The following DMD variants were observed in gnomAD, a reference collection of about 807,000 sequenced individuals.
DMD encodes the protein dystrophin, also known as mutant dystrophin.
A neutral mutation model predicts 330.1 loss-of-function variants in DMD; 63 were observed. The observed-to-expected ratio is 0.19, with a 90% confidence interval of 0.16 to 0.24. The LOEUF (loss-of-function observed/expected upper bound fraction) is 0.24, where lower values mean the gene tolerates loss of function less well. Among genes scored for constraint, DMD ranks in the 10% least tolerant of loss-of-function variants. The pLI is 1.00. For synonymous variants in DMD, 1,223 were observed against 959.8 expected (o/e 1.27, Z -5.07); for missense variants, 3,344 against 2,684.1 (o/e 1.25, Z -5.43).
In DMD at chrX:32,342,233, C is replaced by G. The variant is rs759051688; in HGVS notation, c.5789G>C (p.Arg1930Pro). ...QKKKEELNAV[R>P]RQAEGLSEDG... is the part of the protein sequence containing the mutation. ...CTCAGACAAGCCCTCAGCTTGCCTA[C>G]GCACTGCATTCAGCTCCTCTTTCTT... is the stretch of plus-strand genomic sequence containing the variant. Residue 1930 changes from arginine to proline, a missense_variant, in exon 41 of 79, where the codon CGT becomes CCT. By Grantham distance (103) the Arg-to-Pro change is moderately radical. Coordinates refer to ENST00000357033, the MANE Select transcript of DMD (RefSeq NM_004006.3). 1 of 1,209,680 alleles carries G rather than the reference C, an allele frequency of 8.3e-7. No homozygotes were observed. The highest frequency in any genetic ancestry group is 2.2e-5 in the Admixed American group (1 of 45,619).
intron 1 of DMD, among the ~76,000 whole-genome samples, chrX:33,174,512 A>G (rs970419467): frequency 9.0e-6 from 1 of 111,648 alleles, no homozygotes; most frequent in Non-Finnish European, 1.9e-5. Context: ...TGTATTTACA[A>G]GGCTTATATT....
chrX:31,815,606 T>C (rs2092604970), intron 50 of DMD, among the ~76,000 whole-genome samples: 2 of 112,049 alleles, frequency 1.8e-5, no homozygotes, highest in South Asian at 7.5e-4. Context: ...ACCAACACTT[T>C]TGATCTCCAG....
chrX:33,020,786 T>C (rs772176750), intron 1 of DMD, among the ~76,000 whole-genome samples: 2 of 112,006 alleles, frequency 1.8e-5, no homozygotes, highest in East Asian at 5.6e-4. Flanking sequence ...TCGCCAGTTA[T>C]GAATAGATAC....
intron 1 of DMD, among the ~76,000 whole-genome samples, chrX:33,021,706 G>A (rs2093917703): frequency 9.0e-6 from 1 of 111,297 alleles, no homozygotes; most frequent in African/African-American, 3.3e-5. Flanking sequence ...ATTTCAAACT[G>A]TCATCTTAGG....
At chrX:32,107,850 G>C (rs2096572028) in intron 44 of DMD, among the ~76,000 whole-genome samples, 1 of 111,206 alleles carries the variant, frequency 9.0e-6, no homozygotes, top group African/African-American at 3.3e-5. Context: ...GGGCAGTGTT[G>C]ACAGATCAAA....
intron 6 of DMD, among the ~76,000 whole-genome samples, chrX:32,810,411 A>C (rs1404316082): frequency 9.0e-6 from 1 of 111,041 alleles, no homozygotes; most frequent in Non-Finnish European, 1.9e-5. Context: ...CACAAGCTTC[A>C]AGTGTCCTGA....
intron 34 of DMD, among the ~76,000 whole-genome samples, chrX:32,377,109 G>C (rs1178905000): frequency 9.0e-6 from 1 of 111,245 alleles, no homozygotes. Flanking sequence ...TGCTAATTTT[G>C]ATCTTGAAAA....
chrX:32,829,723 C>T (rs746136698), intron 4 of DMD, among the ~76,000 whole-genome samples: 1 of 111,763 alleles, frequency 8.9e-6, no homozygotes, highest in Non-Finnish European at 1.9e-5. Context: ...ATGCCTACAT[C>T]ATTAGAGTAT....
At chrX:31,623,277 T>G (rs1879055596) in intron 55 of DMD, among the ~76,000 whole-genome samples, 1 of 111,498 alleles carries the variant, frequency 9.0e-6, no homozygotes, top group South Asian at 3.7e-4. Context: ...TTTTAATTTA[T>G]TTTTTTGAGA....
intron 60 of DMD, among the ~76,000 whole-genome samples, chrX:31,391,867 T>G (rs1162465375): frequency 4.6e-5 from 5 of 109,425 alleles, no homozygotes. Flanking sequence ...TGAGGCTCCA[T>G]CTCAAAAACA....
intron 55 of DMD, among the ~76,000 whole-genome samples, chrX:31,514,635 T>C (rs2072002446): frequency 8.9e-6 from 1 of 112,458 alleles, no homozygotes; most frequent in African/African-American, 3.2e-5. Context: ...GGAATTTTTG[T>C]AAAATACTTT....
At chrX:31,695,174 C>T (rs924395215) in intron 52 of DMD, among the ~76,000 whole-genome samples, 3 of 110,941 alleles carry the variant, frequency 2.7e-5, no homozygotes, top group East Asian at 2.9e-4. Context: ...AGTCACAGAA[C>T]GAAAATCACT....
chrX:32,140,414 TG>T (rs2096747004), intron 44 of DMD, among the ~76,000 whole-genome samples: 1 of 112,314 alleles, frequency 8.9e-6, no homozygotes, highest in South Asian at 3.6e-4. Flanking sequence ...TCGTCAACAC[TG>T]GGATAAAATT....
intron 42 of DMD, among the ~76,000 whole-genome samples, chrX:32,307,097 T>C (rs1480954914): frequency 2.7e-5 from 3 of 111,160 alleles, no homozygotes; most frequent in Non-Finnish European, 5.7e-5. Context: ...AAATATGTCA[T>C]TATTTATTTC....
intron 62 of DMD, chrX:31,266,897 TC>T: frequency 1.7e-6 from 2 of 1,184,341 alleles, no homozygotes; most frequent in Non-Finnish European, 2.3e-6. Context: ...GCCGCCGGGC[TC>T]CCCGAAAGTG....
rs956508195 is a variant in DMD, at chrX:33,155,558, C to T, written c.31+55724G>A. Among the ~76,000 whole-genome samples the T allele has an allele frequency of 2.7e-5, 3 of 111,099 alleles. No homozygotes were observed. In the Admixed American group the frequency reaches 2.9e-4, roughly 11 times the overall value. On this transcript the variant is annotated intron_variant, in intron 1 of 78. Coordinates refer to ENST00000357033, the MANE Select transcript of DMD (RefSeq NM_004006.3). Reference sequence around the variant, plus strand: ...CTTGAACCCCTGACCTCAGGTGATCCACCTGCTTTGGCCTCCCAAAGTGCT... The same window carrying T: ...CTTGAACCCCTGACCTCAGGTGATCTACCTGCTTTGGCCTCCCAAAGTGCT...
chrX:32,036,207 A>G (rs971969429), intron 44 of DMD, among the ~76,000 whole-genome samples: 25 of 111,595 alleles, frequency 2.2e-4, no homozygotes, highest in African/African-American at 8.1e-4. Context: ...TTAAAAAATT[A>G]CTCTAGCTTT....
chrX:32,550,658 T>C (rs2049453997), intron 16 of DMD, among the ~76,000 whole-genome samples: 1 of 108,840 alleles, frequency 9.2e-6, no homozygotes, highest in African/African-American at 3.3e-5. Context: ...GAAAATGAGA[T>C]GCAAAAAAGC....
intron 59 of DMD, among the ~76,000 whole-genome samples, chrX:31,469,621 C>A (rs2067146909): frequency 9.0e-6 from 1 of 111,576 alleles, no homozygotes; most frequent in Non-Finnish European, 1.9e-5. Context: ...TTCATTTCAA[C>A]CTTGGTGAAT....
Sources: allele counts gnomAD v4.1 joint callset (sites outside exome capture counted in the v4.1 genomes callset), GRCh38; gene constraint gnomAD v4.1.1; transcripts MANE v1.5; gene names NCBI Gene and HGNC (gene_info 2026-07-23, HGNC 2026-07-21).